Variants in GRIN2A observed in about 807,000 individuals in gnomAD.
GRIN2A encodes the protein glutamate ionotropic receptor NMDA type subunit 2A.
A neutral mutation model predicts 113.4 loss-of-function variants in GRIN2A; 22 were observed. That is an observed-to-expected ratio of 0.19 (90% CI 0.14 to 0.28). GRIN2A has a LOEUF of 0.28. GRIN2A is among the 10% of genes least tolerant of loss of function. The probability of loss-of-function intolerance (pLI) is 1.00; values close to 1 mark genes in which losing one functional copy is unlikely to be tolerated. For missense variants in GRIN2A, 1,502 were observed against 1,887.0 expected, an observed-to-expected ratio of 0.80 and a Z score of 3.78; for synonymous variants, 827 against 738.4, an observed-to-expected ratio of 1.12 and a Z score of -1.94.
chr16:10,118,581 T>G (rs1596525535), intron 2 of GRIN2A, among the ~76,000 whole-genome samples: 2 of 152,314 alleles, frequency 1.3e-5, no homozygotes, highest in Admixed American at 1.3e-4. Context: ...GATATAGAAA[T>G]TGGGCACAAT....
chr16:10,069,525 C>A (rs1264053855), intron 2 of GRIN2A, among the ~76,000 whole-genome samples: 1 of 152,238 alleles, frequency 6.6e-6, no homozygotes, highest in Non-Finnish European at 1.5e-5. Context: ...GCCAGTGGAT[C>A]TGCTCTGCAG....
chr16:10,023,280 G>A (rs1969060), intron 2 of GRIN2A, among the ~76,000 whole-genome samples: 109,089 of 152,104 alleles, frequency 0.72, 40,783 homozygotes, highest in Non-Finnish European at 0.84. Flanking sequence ...ATCCAACTGA[G>A]GCAGGGCTCT....
chr16:9,947,930 T>A (rs908323847), intron 2 of GRIN2A, among the ~76,000 whole-genome samples: 2 of 151,896 alleles, frequency 1.3e-5, no homozygotes, highest in African/African-American at 2.4e-5. Flanking sequence ...CAAGAAAGAA[T>A]CAACCACAAT....
At chr16:10,072,004 A>T (rs531926489) in intron 2 of GRIN2A, among the ~76,000 whole-genome samples, 1 of 152,180 alleles carries the variant, frequency 6.6e-6, no homozygotes, top group African/African-American at 2.4e-5. Flanking sequence ...CAAAGCCCAC[A>T]CTCTTGGCCA....
At chr16:9,809,544 T>C (rs974919306) in intron 10 of GRIN2A, among the ~76,000 whole-genome samples, 2 of 151,018 alleles carry the variant, frequency 1.3e-5, no homozygotes, top group Non-Finnish European at 1.5e-5. Flanking sequence ...TGCTTATCTG[T>C]ATTTTCATTT....
intron 2 of GRIN2A, among the ~76,000 whole-genome samples, chr16:10,047,319 T>C (rs2047279104): frequency 6.6e-6 from 1 of 152,220 alleles, no homozygotes; most frequent in East Asian, 1.9e-4. Context: ...TCTCAGTTTC[T>C]TCATCCAGAA....
intron 2 of GRIN2A, among the ~76,000 whole-genome samples, chr16:9,987,323 G>T (rs1258425916): frequency 1.3e-5 from 2 of 152,088 alleles, no homozygotes; most frequent in Admixed American, 1.3e-4. Flanking sequence ...AATTTTGTAG[G>T]TGCATATGAA....
intron 2 of GRIN2A, among the ~76,000 whole-genome samples, chr16:10,154,226 T>C (rs960189200): frequency 3.9e-5 from 6 of 152,100 alleles, no homozygotes; most frequent in African/African-American, 1.2e-4. Context: ...TGAGGCGATA[T>C]GGCGCAGAAG....
At position 10,040,756 on chromosome 16, in the gene GRIN2A, G is replaced by A. The variant is rs1002166893; in HGVS notation, c.415-102205C>T. Among the ~76,000 whole-genome samples, 5 of 152,130 alleles carry A rather than the reference G, an allele frequency of 3.3e-5. No homozygotes were observed. The East Asian group carries it at 7.7e-4, about 23-fold the overall frequency. ...CACACTCCCATGGAGACACACCCACGCAACCCTCACGCAGCTGCGCTCCGA... is the reference window on the plus strand; with the variant it reads ...CACACTCCCATGGAGACACACCCACACAACCCTCACGCAGCTGCGCTCCGA... On this transcript the variant is annotated intron_variant, in intron 2 of 12. Coordinates refer to ENST00000330684, the MANE Select transcript of GRIN2A (RefSeq NM_001134407.3).
At chr16:10,036,800 T>C (rs2047043511) in intron 2 of GRIN2A, among the ~76,000 whole-genome samples, 1 of 152,124 alleles carries the variant, frequency 6.6e-6, no homozygotes, top group African/African-American at 2.4e-5. Context: ...CCTCTCTGCA[T>C]GTCTGTTTCT....
chr16:10,128,637 C>T (rs541746073), intron 2 of GRIN2A, among the ~76,000 whole-genome samples: 12 of 152,298 alleles, frequency 7.9e-5, no homozygotes, highest in African/African-American at 2.6e-4. Flanking sequence ...TGCTGCTCCC[C>T]CTCTCTCCAA....
chr16:10,112,296 G>T, intron 2 of GRIN2A: 2 of 644,506 alleles, frequency 3.1e-6, no homozygotes, highest in African/African-American at 3.6e-5. Context: ...TGTGGTGACA[G>T]CAGCCCAGGC....
chr16:9,864,711 C>G (rs2043132007), intron 4 of GRIN2A, among the ~76,000 whole-genome samples: 1 of 152,068 alleles, frequency 6.6e-6, no homozygotes, highest in Admixed American at 6.6e-5. Context: ...GGTTACAGAA[C>G]CTGGAGGTAT....
At chr16:9,815,668 A>G (rs1244362727) in intron 10 of GRIN2A, among the ~76,000 whole-genome samples, 1 of 152,218 alleles carries the variant, frequency 6.6e-6, no homozygotes, top group Non-Finnish European at 1.5e-5. Context: ...ACCCTTGTGC[A>G]CTGTTGGTGG....
chr16:10,181,261 C>T (rs994714535), intron 1 of GRIN2A, among the ~76,000 whole-genome samples: 2 of 152,104 alleles, frequency 1.3e-5, no homozygotes, highest in African/African-American at 4.8e-5. Flanking sequence ...GCGCCGTGTG[C>T]AATGCTGAAT....
At chr16:9,799,932 G>C (rs993446009) in intron 10 of GRIN2A, among the ~76,000 whole-genome samples, 31 of 151,244 alleles carry the variant, frequency 2.0e-4, no homozygotes, top group African/African-American at 7.6e-4. Context: ...ATAAGCATCA[G>C]GTAATCTCTC....
chr16:10,040,876 C>G (rs572166344), intron 2 of GRIN2A, among the ~76,000 whole-genome samples: 2 of 152,218 alleles, frequency 1.3e-5, no homozygotes, highest in East Asian at 1.9e-4. Context: ...GATGAGCCGT[C>G]GTATCTATGC....
At chr16:10,177,931 G>A (rs967305576) in intron 2 of GRIN2A, among the ~76,000 whole-genome samples, 1 of 152,214 alleles carries the variant, frequency 6.6e-6, no homozygotes, top group Non-Finnish European at 1.5e-5. Context: ...CACACCTATC[G>A]ACTGAGACTT....
intron 11 of GRIN2A, among the ~76,000 whole-genome samples, chr16:9,769,451 C>CT (rs34847596): frequency 0.014 from 1,428 of 104,756 alleles, 97 homozygotes; most frequent in Admixed American, 0.12. Context: ...GGAGTTTTGT[C>CT]TTTTTTTTTT....
Sources: allele counts gnomAD v4.1 joint callset (sites outside exome capture counted in the v4.1 genomes callset), GRCh38; gene constraint gnomAD v4.1.1; transcripts MANE v1.5; gene names NCBI Gene and HGNC (gene_info 2026-07-23, HGNC 2026-07-21).